Variants in FOXP2 observed in about 807,000 individuals in gnomAD.
FOXP2 encodes forkhead box P2.
In FOXP2, 12 loss-of-function variants were observed where a neutral mutation model predicts 115.8. That is an observed-to-expected ratio of 0.10 (90% CI 0.07 to 0.17). The LOEUF is 0.17. Ranked by LOEUF, FOXP2 falls within the 10% of genes least tolerant of loss-of-function variation. The probability of loss-of-function intolerance (pLI) is 1.00; values close to 1 mark genes in which losing one functional copy is unlikely to be tolerated. For missense variants in FOXP2, 629 were observed against 843.5 expected (o/e 0.75, Z 3.15); for synonymous variants, 328 against 297.7 (o/e 1.10, Z -1.05).
intron 5 of FOXP2, 25 bp downstream of exon 5, chr7:114,630,030 A>G (rs756681846): frequency 3.1e-6 from 5 of 1,604,188 alleles, no homozygotes; most frequent in Non-Finnish European, 4.2e-6. Flanking sequence ...TCTCATTGAT[A>G]CATAACAGTT....
At chr7:114,529,899 T>A (rs1799057834) in intron 2 of FOXP2, among the ~76,000 whole-genome samples, 1 of 151,912 alleles carries the variant, frequency 6.6e-6, no homozygotes, top group Non-Finnish European at 1.5e-5. Flanking sequence ...TCTGGAAGGA[T>A]CTGAATATAC....
At position 114,444,779 on chromosome 7, in the gene FOXP2, G is replaced by T. The variant is rs138098409; in HGVS notation, c.168+18100G>T. Among the ~76,000 whole-genome samples the T allele has an allele frequency of 5.8e-3, 877 of 152,104 alleles. 5 individuals carry two copies. Among genetic ancestry groups the T allele is most frequent in the African/African-American group, 0.02 (836 of 41,536 alleles). On this transcript the variant is annotated intron_variant, in intron 2 of 16. Coordinates refer to ENST00000350908, the MANE Select transcript of FOXP2 (RefSeq NM_014491.4). ...AGGAAAATAGATATTTAATTAATTT[G>T]TTCTATATAGTTAATATGTACTGCA...
intron 1 of FOXP2, among the ~76,000 whole-genome samples, chr7:114,232,217 G>A (rs150848885): frequency 4.3e-4 from 65 of 152,242 alleles, no homozygotes; most frequent in Middle Eastern, 3.4e-3. Context: ...CAGAAGATAA[G>A]TGTTGGTAAG....
In FOXP2 at chr7:114,467,825, T is replaced by C. The variant is rs536797745; in HGVS notation, c.168+41146T>C. Among the ~76,000 whole-genome samples, 7 of 152,318 alleles carry C rather than the reference T, an allele frequency of 4.6e-5. No individual in the cohort carries two copies. The South Asian group carries it at 1.5e-3, about 32-fold the overall frequency. Reference sequence around the variant, plus strand: ...TAAGGTAGTAGAAAGCATTGACATTTGGAGTGGATCTGATTTGGAAGGCCC... The same window carrying C: ...TAAGGTAGTAGAAAGCATTGACATTCGGAGTGGATCTGATTTGGAAGGCCC... On this transcript the variant is annotated intron_variant, in intron 2 of 16. Coordinates refer to ENST00000350908, the MANE Select transcript of FOXP2 (RefSeq NM_014491.4).
intron 2 of FOXP2, among the ~76,000 whole-genome samples, chr7:114,436,284 C>T (rs544723761): frequency 7.3e-4 from 111 of 151,626 alleles, no homozygotes; most frequent in Non-Finnish European, 1.0e-3. Context: ...ACATTTATAT[C>T]TCCTTTGAAG....
chr7:114,652,113 C>A, intron 8 of FOXP2, 90 bp from the exon 9 acceptor site: 1 of 1,187,404 alleles, frequency 8.4e-7, no homozygotes, highest in Non-Finnish European at 1.2e-6. Context: ...ACAGAAACAT[C>A]TGACTTCAGT....
At chr7:114,393,974 G>T (rs1325047963) in intron 2 of FOXP2, among the ~76,000 whole-genome samples, 1 of 100,788 alleles carries the variant, frequency 9.9e-6, no homozygotes, top group Non-Finnish European at 2.0e-5. Flanking sequence ...ATGTGTGTGT[G>T]TGTGAGAGTG....
At chr7:114,149,355 G>A (rs1202223161) in intron 1 of FOXP2, among the ~76,000 whole-genome samples, 2 of 151,800 alleles carry the variant, frequency 1.3e-5, no homozygotes, top group Admixed American at 6.6e-5. Context: ...ATAAATAATT[G>A]CCCAATATGT....
At chr7:114,628,062 TTAAG>T (rs1274876534) in intron 3 of FOXP2, among the ~76,000 whole-genome samples, 3 of 152,132 alleles carry the variant, frequency 2.0e-5, no homozygotes, top group Admixed American at 6.5e-5. Flanking sequence ...GATTATATTT[TTAAG>T]TAAGTATACT....
At chr7:114,232,219 G>A (rs1332045975) in intron 1 of FOXP2, among the ~76,000 whole-genome samples, 1 of 152,126 alleles carries the variant, frequency 6.6e-6, no homozygotes, top group African/African-American at 2.4e-5. Context: ...GAAGATAAGT[G>A]TTGGTAAGGA....
intron 1 of FOXP2, among the ~76,000 whole-genome samples, chr7:114,253,523 A>G (rs528615044): frequency 3.3e-5 from 5 of 152,274 alleles, no homozygotes; most frequent in African/African-American, 7.2e-5. Flanking sequence ...TTCTTGTTGA[A>G]TTGATCCCTT....
At chr7:114,685,714 A>C (rs1422802852) in intron 16 of FOXP2, among the ~76,000 whole-genome samples, 1 of 152,232 alleles carries the variant, frequency 6.6e-6, no homozygotes, top group Non-Finnish European at 1.5e-5. Flanking sequence ...ATGTTAGAAC[A>C]GTTCCAGAAA....
At chr7:114,481,305 G>C (rs1482496129) in intron 2 of FOXP2, among the ~76,000 whole-genome samples, 1 of 151,024 alleles carries the variant, frequency 6.6e-6, no homozygotes, top group Non-Finnish European at 1.5e-5. Context: ...TAATTATATA[G>C]AGAAGTAATT....
At chr7:114,596,299 A>T (rs1332755306) in intron 3 of FOXP2, among the ~76,000 whole-genome samples, 2 of 152,054 alleles carry the variant, frequency 1.3e-5, no homozygotes, top group African/African-American at 4.8e-5. Context: ...AGCAATTGTC[A>T]AACTTGTGCA....
At chr7:114,110,238 T>G (rs193169933) in intron 1 of FOXP2, among the ~76,000 whole-genome samples, 1 of 152,312 alleles carries the variant, frequency 6.6e-6, no homozygotes, top group Admixed American at 6.5e-5. Context: ...ATTTGGCACT[T>G]ATGCACACAC....
chr7:114,674,424 G>A (rs550000757), intron 16 of FOXP2, among the ~76,000 whole-genome samples: 8 of 152,176 alleles, frequency 5.3e-5, no homozygotes, highest in South Asian at 2.1e-4. Flanking sequence ...GAATATTTTC[G>A]TTTTCATCAA....
intron 1 of FOXP2, among the ~76,000 whole-genome samples, chr7:114,239,350 T>C (rs1444505350): frequency 6.6e-6 from 1 of 152,228 alleles, no homozygotes. Context: ...TTGTATAATC[T>C]CTACAAATAA....
At chr7:114,326,244 TG>T (rs1488630975) in intron 2 of FOXP2, among the ~76,000 whole-genome samples, 1 of 152,136 alleles carries the variant, frequency 6.6e-6, no homozygotes, top group Non-Finnish European at 1.5e-5. Context: ...GTACAAAGTT[TG>T]TACTCTTCAG....
intron 2 of FOXP2, among the ~76,000 whole-genome samples, chr7:114,342,084 C>G (rs1791231641): frequency 6.6e-6 from 1 of 151,412 alleles, no homozygotes; most frequent in Admixed American, 6.6e-5. Flanking sequence ...TAAGGTGTTA[C>G]TGCTCATTGA....
Sources: gnomAD v4.1 joint callset for allele counts (sites outside exome capture counted in the v4.1 genomes callset) on GRCh38, gnomAD v4.1.1 for gene constraint, MANE v1.5 for transcripts, NCBI Gene and HGNC (gene_info 2026-07-23, HGNC 2026-07-21) for gene names.